CDH23: variants seen among roughly 807,000 people sequenced by gnomAD.
CDH23 encodes cadherin related 23.
Under a neutral mutation model 317.1 loss-of-function variants are expected in CDH23, and 189 were observed. The observed-to-expected ratio is 0.60, with a 90% CI of 0.53 to 0.67. The LOEUF is 0.67. CDH23 is among the 30% of genes least tolerant of loss of function. The pLI is 0.00. For missense variants in CDH23, 4,401 were observed against 4,592.4 expected (o/e 0.96, Z 1.20); for synonymous variants, 1,839 against 1,876.8 (o/e 0.98, Z 0.52).
At chr10:71,617,420 C>A (rs768360657) in intron 11 of CDH23, 27 bp downstream of exon 11, 1 of 1,608,118 alleles carries the variant, frequency 6.2e-7, no homozygotes, top group South Asian at 1.1e-5. Context: ...ATGGCCCATG[C>A]AGACCCACCA....
At chr10:71,792,837 AAAAAAAAAAAAAAAAATATATAT>A (rs1367602656) in intron 47 of CDH23, among the ~76,000 whole-genome samples, 95 of 78,560 alleles carry the variant, frequency 1.2e-3, no homozygotes, top group Middle Eastern at 4.8e-3. Context: ...AAAAAAAAAA[AAAAAAAAAAAAAAAAATATATAT>A]ATATATATAT....
Position 71,785,214 on chromosome 10 carries a change from G to A in CDH23, c.5712+114G>A. On this transcript the variant is annotated intron_variant, in intron 43 of 69. Transcript: ENST00000224721. Reference sequence around the variant, plus strand: ...TGGGCTCCACCGGGCTCCCGTTCCTGCACTGGGATGAGGACACCTCTGTGG... The same window carrying A: ...TGGGCTCCACCGGGCTCCCGTTCCTACACTGGGATGAGGACACCTCTGTGG... The A allele has an allele frequency of 3.7e-6, 3 of 803,432 alleles. No homozygotes were observed. In the South Asian group the frequency reaches 5.2e-5, roughly 14 times the overall value. The allele number at this position is 803,432 out of a possible 1,614,324, so 49.8% of individuals were successfully genotyped here.
chr10:71,679,855 G>A (rs918481840), intron 17 of CDH23, among the ~76,000 whole-genome samples: 16 of 152,152 alleles, frequency 1.1e-4, no homozygotes, highest in South Asian at 2.1e-4. Flanking sequence ...CTTTTTGGGC[G>A]GCCGTGTGGG....
intron 3 of CDH23, among the ~76,000 whole-genome samples, chr10:71,506,718 T>C (rs989998807): frequency 6.6e-6 from 1 of 151,644 alleles, no homozygotes; most frequent in Non-Finnish European, 1.5e-5. Flanking sequence ...GGCGGAGGAG[T>C]ATGTGCCCAG....
intron 30 of CDH23, 134 bp from the exon 31 acceptor site, chr10:71,730,335 C>T: frequency 2.7e-6 from 3 of 1,127,904 alleles, no homozygotes; most frequent in Non-Finnish European, 3.7e-6. Flanking sequence ...ACCAGACAGG[C>T]CTGGGGTCCT....
At chr10:71,554,671 G>A (rs1398086771) in intron 6 of CDH23, among the ~76,000 whole-genome samples, 3 of 151,816 alleles carry the variant, frequency 2.0e-5, no homozygotes, top group African/African-American at 7.3e-5. Context: ...AGATCACATC[G>A]TATCATTCCC....
intron 9 of CDH23, 103 bp downstream of exon 9, chr10:71,578,095 G>T (rs995665009): frequency 4.4e-6 from 5 of 1,131,434 alleles, no homozygotes; most frequent in Non-Finnish European, 6.5e-6. Flanking sequence ...AGGTCTGCGG[G>T]CATGTGGGAC....
chr10:71,684,110 CA>C (rs11420747), intron 18 of CDH23, among the ~76,000 whole-genome samples: 1 of 149,448 alleles, frequency 6.7e-6, no homozygotes, highest in Non-Finnish European at 1.5e-5. Flanking sequence ...CAAACAACAA[CA>C]AAAAAAAACG....
intron 17 of CDH23, 144 bp from the exon 18 acceptor site, chr10:71,682,301 G>A: frequency 9.5e-7 from 1 of 1,056,806 alleles, no homozygotes; most frequent in Non-Finnish European, 1.4e-6. Flanking sequence ...CAGTCGAGAT[G>A]TTGAGGCTCC....
chr10:71,784,653 C>G (rs1841049102), intron 42 of CDH23, among the ~76,000 whole-genome samples: 1 of 152,236 alleles, frequency 6.6e-6, no homozygotes, highest in Non-Finnish European at 1.5e-5. Context: ...ACTCCCTTCT[C>G]CATCACTGCC....
chr10:71,617,494 A>G (rs1258586815), intron 11 of CDH23, 101 bp downstream of exon 11: 4 of 1,524,308 alleles, frequency 2.6e-6, no homozygotes, highest in African/African-American at 2.7e-5. Flanking sequence ...AGAAACAAAC[A>G]TTGCGGCACC....
At chr10:71,689,576 C>T (rs1589337388) in intron 19 of CDH23, among the ~76,000 whole-genome samples, 1 of 152,198 alleles carries the variant, frequency 6.6e-6, no homozygotes, top group Non-Finnish European at 1.5e-5. Flanking sequence ...CTGCCTGGCC[C>T]CTTGCCCCTC....
At chr10:71,613,092 G>T (rs1860999061) in intron 9 of CDH23, among the ~76,000 whole-genome samples, 1 of 152,134 alleles carries the variant, frequency 6.6e-6, no homozygotes, top group Non-Finnish European at 1.5e-5. Flanking sequence ...CAAGTGATCT[G>T]CCCATCTCCG....
At chr10:71,421,197 T>A (rs1487654595) in intron 1 of CDH23, among the ~76,000 whole-genome samples, 2 of 152,214 alleles carry the variant, frequency 1.3e-5, no homozygotes, top group Admixed American at 6.5e-5. Context: ...AGGCCCAGAG[T>A]GGGCCTTGGG....
At chr10:71,486,842 G>A (rs565431888) in intron 3 of CDH23, among the ~76,000 whole-genome samples, 1 of 152,290 alleles carries the variant, frequency 6.6e-6, no homozygotes, top group East Asian at 1.9e-4. Context: ...ACTGGGCAGA[G>A]GGAGAAGTGG....
intron 11 of CDH23, among the ~76,000 whole-genome samples, chr10:71,627,541 C>T (rs143211875): frequency 3.3e-4 from 51 of 152,330 alleles, no homozygotes; most frequent in Non-Finnish European, 1.5e-4. Context: ...AATTAGCATG[C>T]TATTTACGCC....
intron 1 of CDH23, among the ~76,000 whole-genome samples, chr10:71,436,396 G>A (rs942372078): frequency 6.6e-6 from 1 of 152,216 alleles, no homozygotes; most frequent in Non-Finnish European, 1.5e-5. Flanking sequence ...CTCACTTTTT[G>A]GCAGACATTC....
chr10:71,740,844 C>T lies in CDH23; in HGVS notation c.4511C>T (p.Thr1504Ile). ...ILQVVASDRG[T>I]PPRKKDHILQ... is the part of the protein sequence containing the mutation. ...CAGGTTGTGGCTTCTGACCGAGGCA[C>T]CCCTCCACGGAAGAAGGACCACATC... Residue 1504 changes from threonine to isoleucine, a missense_variant, in exon 37 of 70, where the codon ACC becomes ATC. Physicochemically the swap from Thr to Ile is moderately conservative, Grantham distance 89 (BLOSUM62 -1). This residue lies in a region of CDH23 where 3,068 missense variants were observed against 3,203.3 expected (regional missense o/e 0.96). Coordinates refer to ENST00000224721, the MANE Select transcript of CDH23 (RefSeq NM_022124.6). 3.1e-6 allele frequency: 5 copies of T among 1,613,808 alleles called. No homozygotes were observed. The highest frequency in any genetic ancestry group is 4.2e-6 in the Non-Finnish European group (5 of 1,179,888).
chr10:71,551,199 A>G (rs889849097), intron 6 of CDH23, among the ~76,000 whole-genome samples: 1 of 152,244 alleles, frequency 6.6e-6, no homozygotes, highest in African/African-American at 2.4e-5. Context: ...GTGTCGCCCA[A>G]TTAATATCTA....
Sources: allele counts gnomAD v4.1 joint callset (sites outside exome capture counted in the v4.1 genomes callset), GRCh38; gene constraint gnomAD v4.1.1; regional missense constraint gnomAD v4.1.1; transcripts MANE v1.5; gene names NCBI Gene and HGNC (gene_info 2026-07-23, HGNC 2026-07-21).